Variants in AFF3 observed in about 807,000 individuals in gnomAD.
The protein encoded by AFF3 is ALF transcription elongation factor 3, also known as AF4/FMR2 family member 3.
AFF3 carries 32 observed loss-of-function variants against 129.7 expected under a neutral mutation model. That is an observed-to-expected ratio of 0.25 (90% CI 0.19 to 0.33). The LOEUF is 0.33. AFF3 is among the 10% of genes least tolerant of loss of function. The probability of loss-of-function intolerance (pLI) is 1.00; values close to 1 mark genes in which losing one functional copy is unlikely to be tolerated. For missense variants in AFF3, 1,373 were observed against 1,592.0 expected (o/e 0.86, Z 2.34); for synonymous variants, 644 against 635.4 (o/e 1.01, Z -0.20).
intron 7 of AFF3, among the ~76,000 whole-genome samples, chr2:99,901,292 C>A (rs987490666): frequency 1.7e-4 from 26 of 152,198 alleles, no homozygotes; most frequent in Middle Eastern, 3.2e-3. Context: ...TACCATGGAT[C>A]TCCTCTACAT....
intron 2 of AFF3, among the ~76,000 whole-genome samples, chr2:100,117,366 T>C (rs566226835): frequency 6.6e-6 from 1 of 152,348 alleles, no homozygotes; most frequent in African/African-American, 2.4e-5. Context: ...TTTATTCTAA[T>C]GTGTCTTCCA....
chr2:100,028,399 C>A (rs913176353), intron 4 of AFF3, among the ~76,000 whole-genome samples: 1 of 152,074 alleles, frequency 6.6e-6, no homozygotes, highest in Non-Finnish European at 1.5e-5. Context: ...AGAAACCTAA[C>A]ATGTAATAAT....
intron 8 of AFF3, among the ~76,000 whole-genome samples, chr2:99,779,907 G>T (rs62150114): frequency 0.029 from 4,381 of 152,288 alleles, 82 homozygotes; most frequent in Non-Finnish European, 0.04. Context: ...CTCATTTGTG[G>T]TCTAAATAGT....
chr2:99,710,313 T>C (rs1428481288), intron 11 of AFF3, among the ~76,000 whole-genome samples: 1 of 152,138 alleles, frequency 6.6e-6, no homozygotes, highest in Non-Finnish European at 1.5e-5. Context: ...GAGTGCAGTG[T>C]TGCGATCTTG....
chr2:99,807,187 A>G (rs1241928738), intron 8 of AFF3, among the ~76,000 whole-genome samples: 1 of 152,182 alleles, frequency 6.6e-6, no homozygotes, highest in Non-Finnish European at 1.5e-5. Flanking sequence ...TTGGCTCATC[A>G]GATTAGCTGG....
At chr2:99,813,901 A>G (rs1686997614) in intron 8 of AFF3, among the ~76,000 whole-genome samples, 1 of 152,246 alleles carries the variant, frequency 6.6e-6, no homozygotes, top group South Asian at 2.1e-4. Flanking sequence ...TACCAAGTTG[A>G]GTACTACTGA....
At chr2:99,716,434 G>A (rs894156827) in intron 11 of AFF3, among the ~76,000 whole-genome samples, 3 of 152,088 alleles carry the variant, frequency 2.0e-5, no homozygotes, top group Non-Finnish European at 1.5e-5. Flanking sequence ...ACATTAGTTC[G>A]CCTCTTTCTA....
chr2:99,592,939 C>CCG (rs1553394578), intron 15 of AFF3, among the ~76,000 whole-genome samples: 9 of 94,450 alleles, frequency 9.5e-5, no homozygotes, highest in African/African-American at 3.5e-4. Context: ...CCCTCCCCCC[C>CCG]CCCCAAAAAA....
chr2:99,864,925 T>C (rs972727063), intron 7 of AFF3, among the ~76,000 whole-genome samples: 2 of 152,216 alleles, frequency 1.3e-5, no homozygotes, highest in East Asian at 3.8e-4. Context: ...TCTTGGCAGT[T>C]GGAGACTGAG....
chr2:99,709,451 A>C (rs1339173631), intron 11 of AFF3, among the ~76,000 whole-genome samples: 1 of 152,216 alleles, frequency 6.6e-6, no homozygotes, highest in Non-Finnish European at 1.5e-5. Context: ...CACGTGATCT[A>C]GCCCAAACTA....
At chr2:100,038,373 T>TAAAA in intron 4 of AFF3, among the ~76,000 whole-genome samples, 1 of 143,280 alleles carries the variant, frequency 7.0e-6, no homozygotes. Flanking sequence ...TTCCTCAAAT[T>TAAAA]AAAAAAAAAA....
intron 4 of AFF3, among the ~76,000 whole-genome samples, chr2:100,076,867 G>A (rs539854259): frequency 1.1e-4 from 16 of 152,292 alleles, no homozygotes; most frequent in African/African-American, 3.8e-4. Context: ...GTAGAAGAAT[G>A]GCTCCCCAAA....
intron 8 of AFF3, among the ~76,000 whole-genome samples, chr2:99,823,749 C>T (rs1476723197): frequency 6.6e-6 from 1 of 152,228 alleles, no homozygotes; most frequent in East Asian, 1.9e-4. Context: ...GGCACGTGTA[C>T]ACCATGGAAT....
chr2:99,603,848 C>A (rs1680075287), intron 13 of AFF3, among the ~76,000 whole-genome samples: 1 of 152,154 alleles, frequency 6.6e-6, no homozygotes, highest in Admixed American at 6.5e-5. Flanking sequence ...AGAAGACATA[C>A]ATGTGGCCAA....
chr2:100,033,702 C>T (rs1391332969), intron 4 of AFF3, among the ~76,000 whole-genome samples: 1 of 152,042 alleles, frequency 6.6e-6, no homozygotes, highest in Non-Finnish European at 1.5e-5. Context: ...CAGCATTTCC[C>T]ACTTGCTGTT....
chr2:99,971,407 T>C (rs1209789632), intron 7 of AFF3, among the ~76,000 whole-genome samples: 1 of 152,228 alleles, frequency 6.6e-6, no homozygotes, highest in African/African-American at 2.4e-5. Context: ...GTTCCCACTA[T>C]GGCCAGGAAA....
chr2:99,638,566 C>T (rs369305356), intron 13 of AFF3, among the ~76,000 whole-genome samples: 22 of 152,234 alleles, frequency 1.4e-4, no homozygotes, highest in African/African-American at 4.8e-4. Context: ...TGTCCCCCCG[C>T]CCACAGAGGA....
intron 7 of AFF3, among the ~76,000 whole-genome samples, chr2:99,853,068 T>G (rs1690267299): frequency 6.6e-6 from 1 of 152,192 alleles, no homozygotes; most frequent in South Asian, 2.1e-4. Context: ...ATGGAAATGC[T>G]GCTGAGCCAT....
In AFF3 at chr2:100,035,185, T is replaced by C. The variant is rs116934864; in HGVS notation, c.54-26253A>G. Among the ~76,000 whole-genome samples, 179 of 152,346 alleles carry C rather than the reference T, an allele frequency of 1.2e-3. 3 individuals are homozygous for C. In the East Asian group the frequency reaches 0.028, roughly 23 times the overall value. ...CAGATGCACAAAGTGGCACATGCTT[T>C]GAAGACGCTCAGGCCAAGACATAAC... On this transcript the variant is annotated intron_variant, in intron 4 of 24. Coordinates refer to ENST00000672756, the MANE Select transcript of AFF3 (RefSeq NM_001386135.1).
Sources: allele counts gnomAD v4.1 joint callset (sites outside exome capture counted in the v4.1 genomes callset), GRCh38; gene constraint gnomAD v4.1.1; transcripts MANE v1.5; gene names NCBI Gene and HGNC (gene_info 2026-07-23, HGNC 2026-07-21).